The following KCND3 variants were observed in gnomAD, a reference collection of about 807,000 sequenced individuals.
The protein encoded by KCND3 is A-type voltage-gated potassium channel KCND3.
KCND3 carries 9 observed loss-of-function variants against 51.1 expected under a neutral mutation model. The ratio of observed to expected loss-of-function variants is 0.18; its 90% CI spans 0.11 to 0.31. KCND3 has a LOEUF of 0.31. KCND3 is among the 10% of genes least tolerant of loss of function. The pLI, the probability that KCND3 is intolerant of heterozygous loss-of-function variation, is 1.00. For missense variants in KCND3, 526 were observed against 903.8 expected (o/e 0.58, Z 5.36); for synonymous variants, 349 against 368.0 (o/e 0.95, Z 0.59).
At chr1:111,928,085 CTTT>C (rs1251258672) in intron 2 of KCND3, among the ~76,000 whole-genome samples, 2 of 152,096 alleles carry the variant, frequency 1.3e-5, no homozygotes, top group African/African-American at 4.8e-5. Context: ...CCACCACTGA[CTTT>C]TTAATTTTTT....
chr1:111,939,683 C>T (rs759787032), intron 2 of KCND3, among the ~76,000 whole-genome samples: 1 of 152,216 alleles, frequency 6.6e-6, no homozygotes, highest in Non-Finnish European at 1.5e-5. Flanking sequence ...TCACAATAAA[C>T]ATACGTGTGC....
chr1:111,894,975 A>G (rs1571812084), intron 2 of KCND3, among the ~76,000 whole-genome samples: 2 of 150,798 alleles, frequency 1.3e-5, no homozygotes, highest in South Asian at 2.1e-4. Flanking sequence ...GAAAGAGGGG[A>G]AAAGAGGGAA....
At position 111,780,454 on chromosome 1, in the gene KCND3, G is replaced by T; in HGVS notation, c.1372-140C>A. The T allele has an allele frequency of 1.1e-6, 1 of 919,530 alleles. No homozygotes were observed. Among genetic ancestry groups the T allele is most frequent in the Non-Finnish European group, 1.7e-6 (1 of 576,604 alleles). 57.0% of individuals were successfully genotyped at this position (919,530 alleles called of 1,614,324 possible). On this transcript the variant is annotated intron_variant, in intron 4 of 7. Coordinates refer to ENST00000302127, the MANE Select transcript of KCND3 (RefSeq NM_001378969.1). This position sits in a 1 kb window ranked among gnomAD's most constrained non-coding sequence, Gnocchi z 4.2. Reference sequence around the variant, plus strand: ...TTGACCAAATTTCAGGGTCAGCATTGAATATGCTAACCTTTGGGCTCAGGG... The same window carrying T: ...TTGACCAAATTTCAGGGTCAGCATTTAATATGCTAACCTTTGGGCTCAGGG...
At chr1:111,913,137 C>A (rs1671043192) in intron 2 of KCND3, among the ~76,000 whole-genome samples, 1 of 151,978 alleles carries the variant, frequency 6.6e-6, no homozygotes, top group African/African-American at 2.4e-5. Context: ...TTTACTGTAC[C>A]TTTTCTATGT....
intron 2 of KCND3, among the ~76,000 whole-genome samples, chr1:111,913,961 T>A (rs1410282762): frequency 6.6e-6 from 1 of 151,058 alleles, no homozygotes; most frequent in East Asian, 1.9e-4. Flanking sequence ...AGATAACTAA[T>A]AAGCAGGAGA....
At chr1:111,877,715 C>T (rs1449755646) in intron 2 of KCND3, among the ~76,000 whole-genome samples, 1 of 152,210 alleles carries the variant, frequency 6.6e-6, no homozygotes, top group Non-Finnish European at 1.5e-5. Context: ...GGTTGCCAGC[C>T]TCCTGATATG....
chr1:111,884,817 TA>T (rs928724318), intron 2 of KCND3, among the ~76,000 whole-genome samples: 1 of 152,124 alleles, frequency 6.6e-6, no homozygotes, highest in Non-Finnish European at 1.5e-5. Context: ...TCTTTTAACT[TA>T]AAAAAATTTT....
At chr1:111,790,577 C>T (rs932719807) in intron 2 of KCND3, among the ~76,000 whole-genome samples, 1 of 152,198 alleles carries the variant, frequency 6.6e-6, no homozygotes, top group Non-Finnish European at 1.5e-5. Context: ...TACTGAGACA[C>T]AATTTACATA....
chr1:111,772,447 T>C lies in KCND3; in HGVS notation c.*3630A>G, dbSNP rs1209541876. ...GTATTGACATATACGTATTGACATATAAGACTATGTCTCCAATTACAGTAT... is the reference window on the plus strand; with the variant it reads ...GTATTGACATATACGTATTGACATACAAGACTATGTCTCCAATTACAGTAT... On this transcript the variant is annotated 3_prime_UTR_variant, in exon 8 of 8. Coordinates refer to ENST00000302127, the MANE Select transcript of KCND3 (RefSeq NM_001378969.1). The C allele has an allele frequency of 6.6e-6, 1 of 152,240 alleles. No individual in the cohort carries two copies. The highest frequency in any genetic ancestry group is 1.5e-5 in the Non-Finnish European group (1 of 68,050). 9.4% of individuals were successfully genotyped at this position (152,240 alleles called of 1,614,324 possible).
At chr1:111,972,358 G>C (rs1419962720) in intron 2 of KCND3, among the ~76,000 whole-genome samples, 1 of 151,700 alleles carries the variant, frequency 6.6e-6, no homozygotes, top group African/African-American at 2.4e-5. Context: ...ATTTTTAGTA[G>C]AGACGGGGTT....
rs143232743 is a variant in KCND3 at position 111,820,591 on chromosome 1, T to G, written c.1107-33485A>C. ...TCTATTTGGCTCTAAAGTTTTTGCT[T>G]CTTCTCCTTCTCCAGGATTGTTTTC... On this transcript the variant is annotated intron_variant, in intron 2 of 7. Coordinates refer to ENST00000302127, the MANE Select transcript of KCND3 (RefSeq NM_001378969.1). Among the ~76,000 whole-genome samples, 4 of 152,344 alleles carry G rather than the reference T, an allele frequency of 2.6e-5. No homozygotes were observed. In the East Asian group the frequency reaches 7.7e-4, roughly 29 times the overall value.
intron 2 of KCND3, among the ~76,000 whole-genome samples, chr1:111,921,833 G>C (rs1180422200): frequency 2.6e-5 from 4 of 152,142 alleles, no homozygotes; most frequent in African/African-American, 9.7e-5. Flanking sequence ...GCTGAAAGGG[G>C]TACCCTGGCC....
At chr1:111,914,991 A>G (rs914355316) in intron 2 of KCND3, among the ~76,000 whole-genome samples, 1 of 152,224 alleles carries the variant, frequency 6.6e-6, no homozygotes, top group Non-Finnish European at 1.5e-5. Flanking sequence ...ATCACAAAGG[A>G]CAAGAGGTAC....
At chr1:111,962,897 G>T (rs7525808) in intron 2 of KCND3, among the ~76,000 whole-genome samples, 65,980 of 152,070 alleles carry the variant, frequency 0.43, 14,667 homozygotes, top group Middle Eastern at 0.5. Flanking sequence ...ACAAGCAGAG[G>T]CTTCAACAGA....
intron 2 of KCND3, among the ~76,000 whole-genome samples, chr1:111,897,010 C>G (rs1670145357): frequency 7.9e-5 from 12 of 152,252 alleles, no homozygotes; most frequent in Admixed American, 7.8e-4. Context: ...ACTGCAAACT[C>G]CTTAAGGCAG....
chr1:111,797,196 G>C (rs954079249), intron 2 of KCND3, among the ~76,000 whole-genome samples: 1 of 152,232 alleles, frequency 6.6e-6, no homozygotes, highest in South Asian at 2.1e-4. Flanking sequence ...TTGGTGATCT[G>C]GGGACTACTG....
chr1:111,780,753 G>T lies in KCND3; in HGVS notation c.1308C>A (p.Gly436=). ...RLARIRVAKT[G]SSNAYLHSKR... ...TGCTGTGCAGGTATGCATTCGAACT[G>T]CCTGTTTTGGCCACACGGATCCTGG... Residue 436 remains glycine (G), a synonymous_variant, in exon 4 of 8, where the codon GGC becomes GGA. Transcript: ENST00000302127. The surrounding 1 kb of genome is among the most constrained non-coding windows in gnomAD (Gnocchi z 4.2). 1 of 1,613,498 alleles carries T rather than the reference G, an allele frequency of 6.2e-7. No individual in the cohort carries two copies. The highest frequency in any genetic ancestry group is 1.1e-5 in the South Asian group (1 of 90,682).
Position 111,856,679 on chromosome 1 carries a change from T to TC in KCND3, c.1107-69574dup, listed in dbSNP as rs1437690199. ...GTGACTGCTGGCTAGCACTGGCCTG[T>TC]CCCAGCATCTGGCAGAGCTTACTTA... On this transcript the variant is annotated intron_variant, in intron 2 of 7. Transcript: ENST00000302127. 13 of 152,414 alleles carry TC rather than the reference T, an allele frequency of 8.5e-5. 1 individual carries two copies. The East Asian group carries it at 2.5e-3, about 29-fold the overall frequency. 9.4% of individuals were successfully genotyped at this position (152,414 alleles called of 1,614,324 possible).
intron 2 of KCND3, among the ~76,000 whole-genome samples, chr1:111,877,920 A>T (rs1464956394): frequency 6.6e-6 from 1 of 152,186 alleles, no homozygotes; most frequent in Non-Finnish European, 1.5e-5. Flanking sequence ...AATGGCCAAC[A>T]TTTACCGGGG....
Sources: gnomAD v4.1 joint callset for allele counts (sites outside exome capture counted in the v4.1 genomes callset) on GRCh38, gnomAD v4.1.1 for gene constraint, Gnocchi (gnomAD v3.1) non-coding constraint, MANE v1.5 for transcripts, NCBI Gene and HGNC (gene_info 2026-07-23, HGNC 2026-07-21) for gene names.